Variants in SNTG1 observed in about 807,000 individuals in gnomAD.
SNTG1 encodes gamma-1-syntrophin.
A neutral mutation model predicts 74.7 loss-of-function variants in SNTG1; 39 were observed. The observed-to-expected ratio is 0.52, with a 90% CI of 0.40 to 0.68. The LOEUF (loss-of-function observed/expected upper bound fraction) is 0.68, where lower values mean the gene tolerates loss of function less well. Ranked by LOEUF, SNTG1 falls within the 30% of genes least tolerant of loss-of-function variation. The pLI is 0.00. For synonymous variants in SNTG1, 254 were observed against 217.1 expected (o/e 1.17, Z -1.49); for missense variants, 685 against 609.5 (o/e 1.12, Z -1.30).
At chr8:50,528,147 G>T (rs1455128923) in intron 9 of SNTG1, among the ~76,000 whole-genome samples, 1 of 151,776 alleles carries the variant, frequency 6.6e-6, no homozygotes. Flanking sequence ...CTTTCCCGTT[G>T]CAGTGGCTAA....
At chr8:49,914,788 C>A (rs1255820451) in intron 1 of SNTG1, among the ~76,000 whole-genome samples, 1 of 152,090 alleles carries the variant, frequency 6.6e-6, no homozygotes, top group Non-Finnish European at 1.5e-5. Context: ...AAATTCCAAG[C>A]AGCTAGCCTG....
At chr8:50,063,094 G>A (rs1820613854) in intron 1 of SNTG1, among the ~76,000 whole-genome samples, 1 of 152,176 alleles carries the variant, frequency 6.6e-6, no homozygotes, top group South Asian at 2.1e-4. Context: ...TTGTCACATT[G>A]CCTTGCAAGA....
intron 1 of SNTG1, among the ~76,000 whole-genome samples, chr8:50,075,808 A>G (rs203933): frequency 0.54 from 81,523 of 151,990 alleles, 24,405 homozygotes; most frequent in East Asian, 0.84. Flanking sequence ...CTTAAGAGCT[A>G]TAACACTCAA....
chr8:50,649,594 T>C (rs893113122), intron 13 of SNTG1, among the ~76,000 whole-genome samples: 1 of 152,186 alleles, frequency 6.6e-6, no homozygotes, highest in Non-Finnish European at 1.5e-5. Flanking sequence ...GTCCTTTTAA[T>C]TGTAGCCTCT....
chr8:50,499,464 C>T (rs1475498218), intron 8 of SNTG1, among the ~76,000 whole-genome samples: 1 of 150,584 alleles, frequency 6.6e-6, no homozygotes. Flanking sequence ...TTTTGTAAGC[C>T]ATCATGTCAT....
intron 1 of SNTG1, among the ~76,000 whole-genome samples, chr8:50,171,800 C>A (rs1440464721): frequency 6.6e-6 from 1 of 152,090 alleles, no homozygotes; most frequent in Non-Finnish European, 1.5e-5. Context: ...ACTCTATCTC[C>A]TCAGTTATAA....
At chr8:50,647,212 T>C (rs1433810499) in intron 13 of SNTG1, among the ~76,000 whole-genome samples, 1 of 152,118 alleles carries the variant, frequency 6.6e-6, no homozygotes, top group Non-Finnish European at 1.5e-5. Context: ...ATTAATTTAT[T>C]GGACCCCATT....
At chr8:50,297,234 G>T (rs949270295) in intron 2 of SNTG1, among the ~76,000 whole-genome samples, 1 of 152,150 alleles carries the variant, frequency 6.6e-6, no homozygotes, top group Non-Finnish European at 1.5e-5. Context: ...AGCATAGATA[G>T]TATCAAATCC....
intron 12 of SNTG1, among the ~76,000 whole-genome samples, chr8:50,584,535 C>T (rs1188426361): frequency 3.3e-5 from 4 of 121,384 alleles, no homozygotes; most frequent in South Asian, 2.6e-4. Context: ...TTTTTTGACA[C>T]GGTGTTTCGC....
intron 11 of SNTG1, among the ~76,000 whole-genome samples, chr8:50,538,332 C>T (rs1050311958): frequency 6.6e-6 from 1 of 152,086 alleles, no homozygotes; most frequent in Non-Finnish European, 1.5e-5. Context: ...TTATACTTAA[C>T]CCAAAGTATA....
At chr8:50,085,400 G>T (rs1477199083) in intron 1 of SNTG1, among the ~76,000 whole-genome samples, 1 of 152,102 alleles carries the variant, frequency 6.6e-6, no homozygotes, top group African/African-American at 2.4e-5. Flanking sequence ...TATAGGCATG[G>T]GTAGGCAGTC....
intron 15 of SNTG1, among the ~76,000 whole-genome samples, chr8:50,671,022 C>T (rs1039783047): frequency 3.3e-5 from 5 of 150,654 alleles, no homozygotes; most frequent in Non-Finnish European, 5.9e-5. Context: ...CCCTTCCTTA[C>T]ACCTTATACA....
chr8:49,948,848 A>G (rs1809443522), intron 1 of SNTG1, among the ~76,000 whole-genome samples: 1 of 152,140 alleles, frequency 6.6e-6, no homozygotes, highest in Admixed American at 6.6e-5. Context: ...GAGCTGCCTT[A>G]CCTACAAATT....
At chr8:50,711,906 GTA>G (rs2095462665) in intron 17 of SNTG1, among the ~76,000 whole-genome samples, 1 of 151,924 alleles carries the variant, frequency 6.6e-6, no homozygotes, top group Admixed American at 6.6e-5. Context: ...TTAGAGAAGG[GTA>G]TTATTATTAT....
At chr8:50,713,552 GTGTT>G (rs1185177507) in intron 17 of SNTG1, among the ~76,000 whole-genome samples, 1 of 152,084 alleles carries the variant, frequency 6.6e-6, no homozygotes. Context: ...ATTGCTTTTG[GTGTT>G]TTAGTCATGA....
intron 5 of SNTG1, among the ~76,000 whole-genome samples, chr8:50,438,921 T>A (rs142584699): frequency 1.5e-4 from 23 of 152,310 alleles, no homozygotes; most frequent in African/African-American, 5.0e-4. Context: ...TAGGAAATGA[T>A]GATCTGCAGT....
chr8:50,514,506 A>G (rs2094114789), intron 9 of SNTG1, among the ~76,000 whole-genome samples: 1 of 152,078 alleles, frequency 6.6e-6, no homozygotes, highest in Admixed American at 6.6e-5. Flanking sequence ...TCAAAACTTC[A>G]TTGTTTAATT....
intron 9 of SNTG1, among the ~76,000 whole-genome samples, chr8:50,510,088 C>G (rs2094053421): frequency 1.3e-5 from 2 of 152,160 alleles, no homozygotes; most frequent in African/African-American, 4.8e-5. Flanking sequence ...AGATACATCC[C>G]ATCAATAACT....
intron 9 of SNTG1, 86 bp downstream of exon 9, chr8:50,502,966 T>C (rs1377241288): frequency 1.7e-6 from 2 of 1,170,528 alleles, no homozygotes; most frequent in South Asian, 1.6e-5. Flanking sequence ...TGATTTCTTC[T>C]TAAAGTTGAG....
Sources: allele counts gnomAD v4.1 joint callset (sites outside exome capture counted in the v4.1 genomes callset), GRCh38; gene constraint gnomAD v4.1.1; transcripts MANE v1.5; gene names NCBI Gene and HGNC (gene_info 2026-07-23, HGNC 2026-07-21).